TRMT44: variants seen among roughly 807,000 people sequenced by gnomAD.
TRMT44 encodes the protein probable tRNA (uracil-O(2)-)-methyltransferase.
Under a neutral mutation model 77.3 loss-of-function variants are expected in TRMT44, and 78 were observed. The observed-to-expected ratio is 1.01, with a 90% CI of 0.84 to 1.22. The LOEUF is 1.22. Among genes scored for constraint, TRMT44 ranks in the 50% most tolerant of loss-of-function variants. The pLI, the probability that TRMT44 is intolerant of heterozygous loss-of-function variation, is 0.00. For missense variants in TRMT44, 1,090 were observed against 964.4 expected (o/e 1.13, Z -1.73); for synonymous variants, 391 against 383.3 (o/e 1.02, Z -0.23).
Position 8,444,320 on chromosome 4 carries a change from T to C in TRMT44, c.620-2156T>C, listed in dbSNP as rs1051150755. ...GGGGAGAGGTGGGATGGTTAAAGTG[T>C]ACAAAAAAAATAGAATATGAATAAC... On this transcript the variant is annotated intron_variant, in intron 1 of 10. Transcript: ENST00000389737. This position sits in a 1 kb window ranked among gnomAD's most constrained non-coding sequence, Gnocchi z 4.0. Among the ~76,000 whole-genome samples the C allele has an allele frequency of 9.2e-5, 14 of 151,406 alleles. No homozygotes were observed. Among genetic ancestry groups the C allele is most frequent in the African/African-American group, 3.4e-4 (14 of 41,270 alleles).
At chr4:8,506,282 G>A in the TRMT44 span, among the ~76,000 whole-genome samples, 3 of 152,242 alleles carry the variant, frequency 2.0e-5, no homozygotes, top group Non-Finnish European at 4.4e-5. Context: ...TGACACTGCT[G>A]AGGGCGCTTG....
At chr4:8,488,523 A>C (rs973219977) in intron 2 of TRMT44, among the ~76,000 whole-genome samples, 2 of 152,250 alleles carry the variant, frequency 1.3e-5, no homozygotes, top group African/African-American at 4.8e-5. Flanking sequence ...GACTTTCACA[A>C]GGTAATGTCA....
chr4:8,454,479 C>G (rs777761873), intron 5 of TRMT44: 1 of 558,950 alleles, frequency 1.8e-6, no homozygotes, highest in Non-Finnish European at 3.2e-6. Flanking sequence ...AGTACAGCAG[C>G]AAGAAAATCA....
At chr4:8,495,756 T>C (rs1728132918), downstream of TRMT44, among the ~76,000 whole-genome samples, 1 of 152,194 alleles carries the variant, frequency 6.6e-6, no homozygotes, top group Admixed American at 6.5e-5. Flanking sequence ...GCAGGGAACC[T>C]GAGGCCGATT....
downstream of TRMT44, chr4:8,477,921 C>T (rs1030433888): frequency 6.5e-6 from 1 of 152,860 alleles, no homozygotes; most frequent in African/African-American, 2.4e-5. Flanking sequence ...GCCGCCGCCT[C>T]CTGGAAGGGG....
intron 1 of TRMT44, among the ~76,000 whole-genome samples, chr4:8,442,881 T>A (rs1278035555): frequency 6.6e-6 from 1 of 152,236 alleles, no homozygotes. Context: ...CTGCTCTTCG[T>A]GGCCCATGGA....
At chr4:8,495,584 G>T (rs1421442089), downstream of TRMT44, among the ~76,000 whole-genome samples, 1 of 152,212 alleles carries the variant, frequency 6.6e-6, no homozygotes, top group Non-Finnish European at 1.5e-5. Flanking sequence ...TTTGGTGCAT[G>T]GAGAGGGACG....
chr4:8,508,623 G>A, the TRMT44 span, among the ~76,000 whole-genome samples: 3 of 152,248 alleles, frequency 2.0e-5, no homozygotes, highest in Admixed American at 6.5e-5. Flanking sequence ...CTGGCTGACC[G>A]ACTGTGGCCA....
At chr4:8,465,342 G>A (rs778043950) in intron 7 of TRMT44, 36 bp from the exon 8 acceptor site, 1 of 1,578,112 alleles carries the variant, frequency 6.3e-7, no homozygotes, top group Non-Finnish European at 8.6e-7. Context: ...GTCTGCTCAG[G>A]ATGCTTGACC....
At chr4:8,480,155 C>G (rs1348881997), downstream of TRMT44, among the ~76,000 whole-genome samples, 1 of 152,146 alleles carries the variant, frequency 6.6e-6, no homozygotes, top group South Asian at 2.1e-4. Context: ...ACTCTTGCCT[C>G]CTTGGAAGAA....
At chr4:8,481,733 ACAGAGT>A (rs772317370) in intron 2 of TRMT44, among the ~76,000 whole-genome samples, 1 of 152,230 alleles carries the variant, frequency 6.6e-6, no homozygotes, top group Non-Finnish European at 1.5e-5. Context: ...CTAGGCCTAC[ACAGAGT>A]CAGGATCATC....
At chr4:8,442,231 CAT>C (rs1253254983) in intron 1 of TRMT44, among the ~76,000 whole-genome samples, 1 of 152,178 alleles carries the variant, frequency 6.6e-6, no homozygotes, top group African/African-American at 2.4e-5. Flanking sequence ...CTTATTGTCT[CAT>C]ATTTTTATGG....
intron 8 of TRMT44, among the ~76,000 whole-genome samples, chr4:8,467,125 GCA>G (rs754250697): frequency 6.6e-6 from 1 of 152,232 alleles, no homozygotes; most frequent in Non-Finnish European, 1.5e-5. Context: ...CACGCATGGA[GCA>G]CCTCTATGGC....
intron 2 of TRMT44, among the ~76,000 whole-genome samples, chr4:8,490,311 G>C (rs1727957408): frequency 6.6e-6 from 1 of 152,240 alleles, no homozygotes; most frequent in South Asian, 2.1e-4. Context: ...CCCTCGCGGT[G>C]AGTGTTACAG....
chr4:8,448,497 C>T (rs1234873157), intron 2 of TRMT44, among the ~76,000 whole-genome samples: 5 of 152,144 alleles, frequency 3.3e-5, no homozygotes, highest in Middle Eastern at 3.2e-3. Context: ...AGGAGGAGGC[C>T]GTATGGACCT....
intron 6 of TRMT44, among the ~76,000 whole-genome samples, chr4:8,455,345 G>A (rs973476913): frequency 5.2e-4 from 79 of 152,350 alleles, no homozygotes; most frequent in African/African-American, 1.8e-3. Flanking sequence ...AAGGCTTCTT[G>A]GAGCACCCCC....
rs1358370150 is a variant in TRMT44, at chr4:8,475,909, G to T, written c.2182G>T (p.Gly728Cys). ...CTGGTTCTTCATGCATCACCCTGAT[G>T]GCTGCGCTCTGTCCACGGACTGCTG... ...LCWFFMHHPDGCALSTDCCPF... is the reference protein window; with the variant it reads ...LCWFFMHHPDCCALSTDCCPF... The change falls in exon 11 of 11, where the codon GGC becomes TGC. Residue 728 changes from glycine to cysteine, a missense_variant. By Grantham distance (159) the Gly-to-Cys change is radical. Coordinates refer to ENST00000389737, the MANE Select transcript of TRMT44 (RefSeq NM_152544.3). The T allele has an allele frequency of 3.7e-6, 6 of 1,614,082 alleles. No individual in the cohort carries two copies. Among genetic ancestry groups the T allele is most frequent in the Middle Eastern group, 1.6e-4 (1 of 6,084 alleles).
intron 6 of TRMT44, among the ~76,000 whole-genome samples, chr4:8,462,430 G>A (rs1387335688): frequency 2.0e-5 from 3 of 150,020 alleles, no homozygotes; most frequent in Non-Finnish European, 4.4e-5. Flanking sequence ...ACAACGGCTG[G>A]GCGTGGTGGC....
chr4:8,501,240 C>A, the TRMT44 span, among the ~76,000 whole-genome samples: 2 of 152,140 alleles, frequency 1.3e-5, no homozygotes, highest in African/African-American at 4.8e-5. The surrounding 1 kb of genome is among the most constrained non-coding windows in gnomAD (Gnocchi z 4.4). Flanking sequence ...TGTGGTGGAG[C>A]TGGCAGGTGG....
Sources: allele counts gnomAD v4.1 joint callset (sites outside exome capture counted in the v4.1 genomes callset), GRCh38; gene constraint gnomAD v4.1.1; non-coding constraint Gnocchi (gnomAD v3.1); transcripts MANE v1.5; gene names NCBI Gene and HGNC (gene_info 2026-07-23, HGNC 2026-07-21).